P4HA1: variants seen among roughly 807,000 people sequenced by gnomAD.
P4HA1 encodes prolyl 4-hydroxylase subunit alpha-1.
P4HA1 carries 24 observed loss-of-function variants against 72.8 expected under a neutral mutation model. The observed-to-expected ratio is 0.33, with a 90% CI of 0.24 to 0.46. P4HA1 has a LOEUF of 0.46. P4HA1 is among the 20% of genes least tolerant of loss of function. The pLI is 1.00. For synonymous variants in P4HA1, 201 were observed against 218.8 expected, an observed-to-expected ratio of 0.92 and a Z score of 0.72; for missense variants, 446 against 640.6, an observed-to-expected ratio of 0.70 and a Z score of 3.28.
At chr10:73,064,767 G>A (rs1589614198) in intron 5 of P4HA1, among the ~76,000 whole-genome samples, 1 of 151,998 alleles carries the variant, frequency 6.6e-6, no homozygotes, top group Non-Finnish European at 1.5e-5. Flanking sequence ...CTTGAACCCA[G>A]GAGGCAGAGG....
chr10:73,095,227 TAAAAAAAA>T (rs35159575), intron 1 of P4HA1, among the ~76,000 whole-genome samples: 734 of 67,362 alleles, frequency 0.011, 10 homozygotes, highest in African/African-American at 0.027. Context: ...GCTCACAAGC[TAAAAAAAA>T]AAAAAAAAAA....
At chr10:73,074,003 T>C (rs1425655496) in intron 2 of P4HA1, 176 bp from the exon 3 acceptor site, 5 of 590,816 alleles carry the variant, frequency 8.5e-6, no homozygotes, top group Middle Eastern at 4.5e-4. Context: ...CCAAAAACTT[T>C]TCTAATCAAC....
chr10:73,081,956 C>A (rs928969201), intron 1 of P4HA1, among the ~76,000 whole-genome samples: 2 of 152,206 alleles, frequency 1.3e-5, no homozygotes, highest in Non-Finnish European at 2.9e-5. Context: ...GTGGAGTTTA[C>A]AGTGAGCCAA....
chr10:73,030,912 C>T (rs775623078), intron 9 of P4HA1, among the ~76,000 whole-genome samples: 1 of 152,106 alleles, frequency 6.6e-6, no homozygotes, highest in Non-Finnish European at 1.5e-5. Context: ...TCATACATTG[C>T]TAATGGGAAT....
intron 9 of P4HA1, 92 bp downstream of exon 9, chr10:73,044,889 G>C: frequency 2.9e-6 from 3 of 1,034,124 alleles, no homozygotes; most frequent in Non-Finnish European, 4.4e-6. Flanking sequence ...GCTGGTGACT[G>C]AAAATGACCC....
chr10:73,027,701 G>A (rs1840315288), intron 10 of P4HA1, among the ~76,000 whole-genome samples: 1 of 146,470 alleles, frequency 6.8e-6, no homozygotes, highest in African/African-American at 2.5e-5. Context: ...GTGGGAGGGA[G>A]GAAGAGAGAG....
chr10:73,057,771 A>G (rs1366835594), intron 5 of P4HA1, among the ~76,000 whole-genome samples: 4 of 152,122 alleles, frequency 2.6e-5, no homozygotes, highest in Non-Finnish European at 5.9e-5. Context: ...ATGATGAAAA[A>G]TGAAAATGGT....
intron 9 of P4HA1, among the ~76,000 whole-genome samples, chr10:73,040,984 T>G (rs1220264602): frequency 6.6e-6 from 1 of 152,216 alleles, no homozygotes; most frequent in African/African-American, 2.4e-5. Flanking sequence ...AAAATCGGGT[T>G]AATTGCAATG....
intron 1 of P4HA1, among the ~76,000 whole-genome samples, chr10:73,081,743 A>C (rs1044610164): frequency 1.3e-5 from 2 of 152,208 alleles, no homozygotes; most frequent in Non-Finnish European, 2.9e-5. Flanking sequence ...TCAATAAAAA[A>C]CATACTTTGG....
chr10:73,092,651 C>T (rs1254612942), intron 1 of P4HA1, among the ~76,000 whole-genome samples: 1 of 148,336 alleles, frequency 6.7e-6, no homozygotes, highest in Non-Finnish European at 1.5e-5. Flanking sequence ...AGCCACCATG[C>T]CTGGGCAACA....
intron 5 of P4HA1, among the ~76,000 whole-genome samples, chr10:73,058,069 G>C (rs959439401): frequency 8.2e-6 from 1 of 121,474 alleles, no homozygotes; most frequent in Non-Finnish European, 1.6e-5. Flanking sequence ...CAGTCTGGGT[G>C]ACAGAGCAAG....
chr10:73,009,604 T>TA, intron 14 of P4HA1: 1 of 490,322 alleles, frequency 2.0e-6, no homozygotes, highest in East Asian at 3.3e-5. Context: ...TTGGAATAAG[T>TA]AAAAATAGTT....
intron 9 of P4HA1, among the ~76,000 whole-genome samples, chr10:73,031,076 A>G (rs1340781477): frequency 6.6e-6 from 1 of 152,244 alleles, no homozygotes; most frequent in Non-Finnish European, 1.5e-5. Context: ...TTTTTATGGC[A>G]TCATTACATA....
chr10:73,072,388 A>G (rs1841584696), intron 3 of P4HA1, among the ~76,000 whole-genome samples: 1 of 152,142 alleles, frequency 6.6e-6, no homozygotes, highest in Non-Finnish European at 1.5e-5. Context: ...TTTTTGTTTT[A>G]ATTTTGTTTC....
chr10:73,071,901 G>A, intron 4 of P4HA1, 128 bp downstream of exon 4: 1 of 590,782 alleles, frequency 1.7e-6, no homozygotes. Context: ...CAAACCAAAT[G>A]CACCCAGGCA....
chr10:73,056,660 A>T (rs1361962571), intron 5 of P4HA1, among the ~76,000 whole-genome samples: 3 of 151,926 alleles, frequency 2.0e-5, no homozygotes, highest in African/African-American at 7.2e-5. Flanking sequence ...AAATAAAAAT[A>T]AAAAATACCC....
At chr10:73,008,317 A>G (rs1564616471) in intron 14 of P4HA1, 25 bp from the exon 15 acceptor site, 1 of 1,367,844 alleles carries the variant, frequency 7.3e-7, no homozygotes, top group South Asian at 1.2e-5. Context: ...TAATATATTA[A>G]TTTTCCCCCT....
chr10:73,091,014 T>C (rs1282363127), intron 1 of P4HA1, among the ~76,000 whole-genome samples: 1 of 143,586 alleles, frequency 7.0e-6, no homozygotes, highest in Non-Finnish European at 1.5e-5. Context: ...TGAACCGAGA[T>C]TGCGCCACTG....
intron 10 of P4HA1, among the ~76,000 whole-genome samples, chr10:73,024,020 G>A (rs1184064750): frequency 4.6e-5 from 7 of 152,106 alleles, no homozygotes; most frequent in South Asian, 4.2e-4. Context: ...AAGAGACTTA[G>A]ACTCTCACAC....
Sources: allele counts gnomAD v4.1 joint callset (sites outside exome capture counted in the v4.1 genomes callset), GRCh38; gene constraint gnomAD v4.1.1; transcripts MANE v1.5; gene names NCBI Gene and HGNC (gene_info 2026-07-23, HGNC 2026-07-21).